The following RAF1 variants were observed in gnomAD, a reference collection of about 807,000 sequenced individuals.
RAF1 encodes RAF proto-oncogene serine/threonine-protein kinase.
Under a neutral mutation model 81.1 loss-of-function variants are expected in RAF1, and 27 were observed. The ratio of observed to expected loss-of-function variants is 0.33; its 90% confidence interval spans 0.25 to 0.46. RAF1 has a LOEUF of 0.46. Ranked by LOEUF, RAF1 falls within the 20% of genes least tolerant of loss-of-function variation. RAF1 has a pLI of 1.00. For synonymous variants in RAF1, 298 were observed against 294.0 expected, an observed-to-expected ratio of 1.01 and a Z score of -0.14; for missense variants, 598 against 826.0, an observed-to-expected ratio of 0.72 and a Z score of 3.38.
At chr3:12,658,322 G>A (rs1575688279) in intron 1 of RAF1, among the ~76,000 whole-genome samples, 2 of 152,202 alleles carry the variant, frequency 1.3e-5, no homozygotes, top group East Asian at 3.8e-4. Context: ...TTATGTGAGG[G>A]CTGGGCGTGG....
chr3:12,661,074 G>T (rs1257802521), intron 1 of RAF1, among the ~76,000 whole-genome samples: 1 of 152,170 alleles, frequency 6.6e-6, no homozygotes, highest in East Asian at 1.9e-4. Context: ...GCCCTTGAGT[G>T]ATAAGGGTAA....
intron 1 of RAF1, among the ~76,000 whole-genome samples, chr3:12,623,230 T>C (rs2059601126): frequency 6.6e-6 from 1 of 152,164 alleles, no homozygotes; most frequent in Non-Finnish European, 1.5e-5. Context: ...GAAGACTGTA[T>C]TGGAATTGAC....
intron 1 of RAF1, among the ~76,000 whole-genome samples, chr3:12,627,374 A>C (rs1487996912): frequency 6.6e-6 from 1 of 152,146 alleles, no homozygotes. Context: ...TGCTTCAAAA[A>C]TCAAAAGGCC....
At chr3:12,638,663 T>C (rs1414235728) in intron 1 of RAF1, among the ~76,000 whole-genome samples, 1 of 152,210 alleles carries the variant, frequency 6.6e-6, no homozygotes, top group African/African-American at 2.4e-5. Context: ...AAATATTTTC[T>C]ACCTACTCAC....
At chr3:12,608,638 T>A (rs1575582396) in intron 5 of RAF1, 128 bp downstream of exon 5, 3 of 1,108,524 alleles carry the variant, frequency 2.7e-6, no homozygotes, top group Non-Finnish European at 4.1e-6. Context: ...TCTAAAGTAG[T>A]TTCTGGATCA....
At chr3:12,644,246 T>G (rs1439224347) in intron 1 of RAF1, among the ~76,000 whole-genome samples, 2 of 152,216 alleles carry the variant, frequency 1.3e-5, no homozygotes, top group Non-Finnish European at 2.9e-5. Context: ...TTAAGTGATT[T>G]GAATCCTAAT....
chr3:12,611,404 G>C (rs1273883687), intron 3 of RAF1, among the ~76,000 whole-genome samples: 1 of 152,018 alleles, frequency 6.6e-6, no homozygotes, highest in African/African-American at 2.4e-5. Context: ...ATCTTTTGTA[G>C]AGATGGGCCT....
intron 1 of RAF1, among the ~76,000 whole-genome samples, chr3:12,662,593 ATC>A (rs902799175): frequency 1.3e-5 from 2 of 151,870 alleles, no homozygotes; most frequent in African/African-American, 4.8e-5. Flanking sequence ...TTTTACTCTC[ATC>A]TCTCACCATT....
chr3:12,589,419 T>C (rs2058431434), intron 13 of RAF1: 1 of 152,196 alleles, frequency 6.6e-6, no homozygotes, highest in South Asian at 2.1e-4. Context: ...TGAGAATTTA[T>C]GTAGGACTTG....
At chr3:12,614,592 A>AT (rs1315524349) in intron 2 of RAF1, among the ~76,000 whole-genome samples, 2 of 143,458 alleles carry the variant, frequency 1.4e-5, no homozygotes. Context: ...CTTCTAGCTA[A>AT]TGTTTTTTTT....
intron 1 of RAF1, among the ~76,000 whole-genome samples, chr3:12,621,577 A>AAAT (rs752670209): frequency 5.9e-5 from 9 of 152,236 alleles, no homozygotes; most frequent in Non-Finnish European, 1.3e-4. Context: ...AATATCTATT[A>AAAT]AAAGTTTGAA....
chr3:12,642,671 TACACACACACACACAC>T (rs71063856), intron 1 of RAF1, among the ~76,000 whole-genome samples: 115 of 117,056 alleles, frequency 9.8e-4, no homozygotes, highest in African/African-American at 2.3e-3. Flanking sequence ...ACACCATCTC[TACACACACACACACAC>T]ACACACACAC....
rs748677497 is a variant in RAF1 at position 12,585,783 on chromosome 3, T to C, written c.1494A>G (p.Glu498=). The C allele has an allele frequency of 8.1e-6, 13 of 1,612,212 alleles. No individual in the cohort carries two copies. The South Asian group carries it at 1.3e-4, about 16-fold the overall frequency. ...AATCTCCAATTTTCACTGTTAAGCC[T>C]TCATGGAGAAATATATCTCAATGCT... Residue 498 remains glutamate (E), a synonymous_variant, in exon 15 of 18, where the codon GAA becomes GAG. Coordinates refer to ENST00000442415, the MANE Select transcript of RAF1 (RefSeq NM_001354689.3).
intron 2 of RAF1, among the ~76,000 whole-genome samples, chr3:12,614,232 T>G (rs1406643237): frequency 2.0e-5 from 3 of 152,154 alleles, no homozygotes; most frequent in Non-Finnish European, 4.4e-5. Context: ...TAAATAAAAT[T>G]AGCATTCTTT....
Position 12,585,103 on chromosome 3 carries a change from C to G in RAF1, c.1728+19G>C, listed in dbSNP as rs5746245. On this transcript the variant is annotated intron_variant, in intron 16 of 17. Coordinates refer to ENST00000442415, the MANE Select transcript of RAF1 (RefSeq NM_001354689.3). ...GGGGCTCCCACGAGTTGGGTCCTTT[C>G]GCACCAGCACAGACTTACCTGATCT... The G allele has an allele frequency of 3.7e-6, 6 of 1,614,084 alleles. No individual in the cohort carries two copies. The East Asian group carries it at 8.9e-5, about 24-fold the overall frequency.
chr3:12,600,287 G>A lies in RAF1; in HGVS notation c.923-8C>T, dbSNP rs1232698947. ...ACAGGGCTGAAGGTGAGGCTTAATAGACAAGACAAACAGAAGCCACACAAG... is the reference window on the plus strand; with the variant it reads ...ACAGGGCTGAAGGTGAGGCTTAATAAACAAGACAAACAGAAGCCACACAAG... On this transcript the variant is annotated splice_polypyrimidine_tract_variant and splice_region_variant and intron_variant, in intron 9 of 17. Transcript: ENST00000442415. 6.2e-7 allele frequency: 1 copy of A among 1,614,136 alleles called. No individual in the cohort carries two copies. The highest frequency in any genetic ancestry group is 1.3e-5 in the African/African-American group (1 of 75,034).
chr3:12,644,299 T>C (rs978540618), intron 1 of RAF1, among the ~76,000 whole-genome samples: 3 of 152,202 alleles, frequency 2.0e-5, no homozygotes, highest in Admixed American at 1.3e-4. Context: ...ATCTGAGGCA[T>C]AAATGTTTCA....
intron 1 of RAF1, among the ~76,000 whole-genome samples, chr3:12,635,631 C>A: frequency 1.1e-5 from 1 of 90,158 alleles, no homozygotes; most frequent in Non-Finnish European, 2.1e-5. Context: ...AGTGAAACTC[C>A]AGCTCCAAAA....
chr3:12,614,926 T>A (rs2059328755), intron 2 of RAF1, among the ~76,000 whole-genome samples: 1 of 152,184 alleles, frequency 6.6e-6, no homozygotes, highest in Non-Finnish European at 1.5e-5. Context: ...TGTATAGCAA[T>A]GTTTTCTAAG....
Sources: gnomAD v4.1 joint callset for allele counts (sites outside exome capture counted in the v4.1 genomes callset) on GRCh38, gnomAD v4.1.1 for gene constraint, MANE v1.5 for transcripts, NCBI Gene and HGNC (gene_info 2026-07-23, HGNC 2026-07-21) for gene names.